Variants in AFG2A observed in about 807,000 individuals in gnomAD.
AFG2A encodes AAA ATPase AFG2A.
chr4:123,263,235 A>G, the AFG2A span, among the ~76,000 whole-genome samples: 1 of 152,214 alleles, frequency 6.6e-6, no homozygotes, highest in African/African-American at 2.4e-5. Context: ...CATTACACGA[A>G]TTAGAAAAAG....
At chr4:123,247,146 A>G in the AFG2A span, among the ~76,000 whole-genome samples, 1,743 of 152,110 alleles carry the variant, frequency 0.011, 34 homozygotes, top group African/African-American at 0.039. Flanking sequence ...TCCCCCGTAA[A>G]TTATATTGCC....
chr4:122,973,923 C>G, the AFG2A span, among the ~76,000 whole-genome samples: 10 of 152,148 alleles, frequency 6.6e-5, no homozygotes, highest in African/African-American at 2.2e-4. Flanking sequence ...AGCTCTCCGC[C>G]CGTCTCAGCC....
the AFG2A span, among the ~76,000 whole-genome samples, chr4:123,224,294 T>A: frequency 6.6e-6 from 1 of 152,158 alleles, no homozygotes; most frequent in Non-Finnish European, 1.5e-5. Flanking sequence ...ATGTGCCATG[T>A]TGGTGTGCTG....
the AFG2A span, among the ~76,000 whole-genome samples, chr4:123,185,254 A>G: frequency 6.6e-6 from 1 of 151,930 alleles, no homozygotes; most frequent in Non-Finnish European, 1.5e-5. Flanking sequence ...TTTTTATTCT[A>G]TCTCATATGA....
At chr4:123,148,366 C>T in the AFG2A span, among the ~76,000 whole-genome samples, 1 of 152,060 alleles carries the variant, frequency 6.6e-6, no homozygotes, top group Non-Finnish European at 1.5e-5. Flanking sequence ...TAAAATTAAA[C>T]AATGAAACTT....
At chr4:123,258,576 T>G in the AFG2A span, among the ~76,000 whole-genome samples, 3 of 152,182 alleles carry the variant, frequency 2.0e-5, no homozygotes, top group African/African-American at 7.2e-5. Flanking sequence ...TTCTCAGAGT[T>G]GGAGTGTCTC....
chr4:123,315,221 T>A, the AFG2A span: 2 of 151,742 alleles, frequency 1.3e-5, no homozygotes, highest in African/African-American at 2.4e-5. Flanking sequence ...CGCTGCTCTG[T>A]CGCCCAGGCT....
At chr4:123,172,301 C>T in the AFG2A span, among the ~76,000 whole-genome samples, 2 of 152,182 alleles carry the variant, frequency 1.3e-5, no homozygotes, top group Non-Finnish European at 2.9e-5. Flanking sequence ...GCAGCATACA[C>T]AAGATAAGTT....
the AFG2A span, chr4:123,313,954 A>G: frequency 3.1e-6 from 5 of 1,613,214 alleles, no homozygotes; most frequent in African/African-American, 1.3e-5. Flanking sequence ...CAATCTCATC[A>G]TGAAAAGACA....
the AFG2A span, among the ~76,000 whole-genome samples, chr4:123,167,829 A>G: frequency 4.6e-5 from 7 of 152,228 alleles, no homozygotes; most frequent in African/African-American, 1.4e-4. Context: ...TGTTGAAATC[A>G]GGTAACCAGT....
chr4:123,309,327 A>G, the AFG2A span, among the ~76,000 whole-genome samples: 2 of 152,180 alleles, frequency 1.3e-5, no homozygotes, highest in Admixed American at 6.5e-5. Context: ...GTGTCTGGTG[A>G]GGGCCTATTC....
chr4:123,258,917 A>G, the AFG2A span, among the ~76,000 whole-genome samples: 2 of 128,408 alleles, frequency 1.6e-5, no homozygotes, highest in African/African-American at 6.2e-5. Flanking sequence ...CCCAGGCTGG[A>G]GTGCAGTGGC....
chr4:123,150,059 C>T, the AFG2A span, among the ~76,000 whole-genome samples: 3 of 152,000 alleles, frequency 2.0e-5, no homozygotes, highest in East Asian at 1.9e-4. Flanking sequence ...AAAAGGCCTC[C>T]GATAAAGCTC....
chr4:123,053,063 A>C, the AFG2A span, among the ~76,000 whole-genome samples: 1 of 152,230 alleles, frequency 6.6e-6, no homozygotes. Context: ...CACTGGCAGC[A>C]GATTGGATGG....
chr4:123,280,850 G>T, the AFG2A span, among the ~76,000 whole-genome samples: 2 of 152,024 alleles, frequency 1.3e-5, no homozygotes, highest in Non-Finnish European at 2.9e-5. Context: ...TTAGAAGGTG[G>T]ATATCTTGGG....
At chr4:122,989,076 A>C in the AFG2A span, among the ~76,000 whole-genome samples, 1 of 151,762 alleles carries the variant, frequency 6.6e-6, no homozygotes, top group African/African-American at 2.4e-5. Context: ...ATTATTTTTT[A>C]TACTTATCTG....
At chr4:123,221,708 T>C in the AFG2A span, among the ~76,000 whole-genome samples, 4 of 152,044 alleles carry the variant, frequency 2.6e-5, no homozygotes, top group African/African-American at 9.7e-5. Flanking sequence ...GCAGATCACC[T>C]GAAGTCAGGA....
chr4:123,135,734 C>T, the AFG2A span, among the ~76,000 whole-genome samples: 2 of 152,094 alleles, frequency 1.3e-5, no homozygotes, highest in Non-Finnish European at 2.9e-5. Context: ...AGGTTATATG[C>T]AAATACTATG....
chr4:122,962,533 G>A, the AFG2A span, among the ~76,000 whole-genome samples: 1 of 152,108 alleles, frequency 6.6e-6, no homozygotes, highest in Non-Finnish European at 1.5e-5. Context: ...TGAATGGTTT[G>A]TTTCAGAAAA....
Sources: allele counts gnomAD v4.1 joint callset (sites outside exome capture counted in the v4.1 genomes callset), GRCh38; gene constraint gnomAD v4.1.1; transcripts MANE v1.5; gene names NCBI Gene and HGNC (gene_info 2026-07-23, HGNC 2026-07-21).